The following TSPAN16 variants were observed in gnomAD, a reference collection of about 807,000 sequenced individuals.
The protein encoded by TSPAN16 is tetraspanin 16.
Under a neutral mutation model 25.2 loss-of-function variants are expected in TSPAN16, and 23 were observed. That is an observed-to-expected ratio of 0.91 (90% confidence interval 0.66 to 1.29). The LOEUF (loss-of-function observed/expected upper bound fraction) is 1.29. TSPAN16 is among the 50% of genes most tolerant of loss of function. TSPAN16 has a pLI of 0.00. For missense variants in TSPAN16, 272 were observed against 299.9 expected (o/e 0.91, Z 0.69); for synonymous variants, 123 against 124.4 (o/e 0.99, Z 0.08).
rs144679719 is a variant in TSPAN16 at position 11,302,678 on chromosome 19, TAC to T, written c.450+1398_450+1399del. Among the ~76,000 whole-genome samples the T allele has an allele frequency of 3.4e-3, 424 of 126,446 alleles. 1 individual carries two copies. Among genetic ancestry groups the T allele is most frequent in the East Asian group, 0.012 (56 of 4,746 alleles). The allele number at this position is 126,446 out of a possible 152,430, so 83.0% of individuals were successfully genotyped here. A position where few individuals can be genotyped will look rare whatever the true frequency, so the allele number is the denominator to read the frequency against. The stretch of plus-strand genomic sequence containing the variant: ...ACACATACATATATATATATATATA[TAC>T]ACACACACACACACACACACACACA... On this transcript the variant is annotated intron_variant, in intron 4 of 6. Coordinates refer to ENST00000590327, the MANE Select transcript of TSPAN16 (RefSeq NM_001282509.2).
chr19:11,302,548 A>G (rs918772742), intron 4 of TSPAN16, among the ~76,000 whole-genome samples: 1 of 147,624 alleles, frequency 6.8e-6, no homozygotes, highest in Non-Finnish European at 1.5e-5. Flanking sequence ...AAAAAAAAAA[A>G]AAAGGGATTT....
intron 6 of TSPAN16, 100 bp downstream of exon 6, chr19:11,312,322 T>TAAA (rs56982210): frequency 1.9e-5 from 6 of 308,224 alleles, no homozygotes; most frequent in Non-Finnish European, 2.7e-5. Context: ...TGAACAAAAC[T>TAAA]AAAAAAAAAA....
chr19:11,324,527 GGCCCCA>G (rs111306182), intron 6 of TSPAN16: 37,813 of 152,210 alleles, frequency 0.25, 9,152 homozygotes, highest in African/African-American at 0.64. Flanking sequence ...CTGGGAGGGA[GGCCCCA>G]GCCCCAGGCT....
chr19:11,321,897 GAGCTTTCC>G (rs1406066791), intron 6 of TSPAN16: 1 of 152,188 alleles, frequency 6.6e-6, no homozygotes, highest in Non-Finnish European at 1.5e-5. Context: ...CCATATAACA[GAGCTTTCC>G]AAGGTCAAGG....
intron 6 of TSPAN16, among the ~76,000 whole-genome samples, chr19:11,314,718 T>C (rs1462887825): frequency 6.6e-6 from 1 of 151,972 alleles, no homozygotes; most frequent in Non-Finnish European, 1.5e-5. Flanking sequence ...CATGGGGAAC[T>C]TTTATTTCTC....
intron 4 of TSPAN16, among the ~76,000 whole-genome samples, chr19:11,305,412 C>T (rs764985882): frequency 3.3e-5 from 5 of 151,874 alleles, no homozygotes; most frequent in Non-Finnish European, 7.4e-5. Context: ...TGCCTGTAAT[C>T]CCAGCTACTC....
intron 5 of TSPAN16, among the ~76,000 whole-genome samples, chr19:11,309,571 C>A (rs960938887): frequency 6.6e-6 from 1 of 152,232 alleles, no homozygotes; most frequent in Non-Finnish European, 1.5e-5. Flanking sequence ...GCACTTTCTC[C>A]GTGAGGCTGT....
intron 4 of TSPAN16, 29 bp from the exon 5 acceptor site, chr19:11,306,575 T>C: frequency 6.2e-7 from 1 of 1,612,052 alleles, no homozygotes; most frequent in South Asian, 1.1e-5. Context: ...TGAAAGGGAC[T>C]CTCCAAGTAT....
intron 3 of TSPAN16, among the ~76,000 whole-genome samples, chr19:11,299,804 G>A (rs992779006): frequency 2.0e-5 from 3 of 151,774 alleles, no homozygotes; most frequent in Non-Finnish European, 2.9e-5. Context: ...GTAAAACCCC[G>A]TCTCTATTAA....
downstream of TSPAN16, chr19:11,316,117 G>GT (rs375902342): frequency 0.045 from 10,249 of 228,492 alleles, 587 homozygotes; most frequent in East Asian, 0.24. Context: ...GTGTGTGTGT[G>GT]GTTTTTTTTT....
At chr19:11,321,188 AT>A (rs1453799540) in intron 6 of TSPAN16, 1 of 151,994 alleles carries the variant, frequency 6.6e-6, no homozygotes, top group Non-Finnish European at 1.5e-5. Context: ...AAACAAAAAA[AT>A]ACCCAAAAAA....
At chr19:11,321,175 A>C (rs1227411225) in intron 6 of TSPAN16, 1 of 146,792 alleles carries the variant, frequency 6.8e-6, no homozygotes, top group African/African-American at 2.7e-5. Flanking sequence ...CTCAAAAAAA[A>C]AAAAACAAAA....
chr19:11,298,798 C>A, intron 2 of TSPAN16, 74 bp from the exon 3 acceptor site: 1 of 1,429,004 alleles, frequency 7.0e-7, no homozygotes, highest in Non-Finnish European at 9.9e-7. Flanking sequence ...AGAGACAACC[C>A]CTCACCTGCA....
intron 4 of TSPAN16, among the ~76,000 whole-genome samples, chr19:11,305,529 C>CA (rs908651548): frequency 1.7e-3 from 246 of 147,950 alleles, no homozygotes; most frequent in African/African-American, 5.8e-3. Flanking sequence ...GACTGTGTCT[C>CA]AAAAAAAATA....
intron 4 of TSPAN16, among the ~76,000 whole-genome samples, chr19:11,303,337 T>G (rs938148057): frequency 4.8e-5 from 7 of 145,930 alleles, no homozygotes; most frequent in Non-Finnish European, 6.0e-5. Flanking sequence ...ATGTGCTTTG[T>G]TAAACAGATG....
chr19:11,298,435 ATTTTT>A, intron 2 of TSPAN16, 96 bp downstream of exon 2: 9 of 948,044 alleles, frequency 9.5e-6, no homozygotes, highest in Non-Finnish European at 9.1e-6. Flanking sequence ...GGTGTCACCT[ATTTTT>A]TTTTTTTTTG....
chr19:11,302,773 C>T (rs1470084580), intron 4 of TSPAN16, among the ~76,000 whole-genome samples: 9 of 150,154 alleles, frequency 6.0e-5, no homozygotes, highest in Non-Finnish European at 1.0e-4. Flanking sequence ...GGCTGGAGTG[C>T]GGTAAGGGGA....
At chr19:11,298,818 G>A (rs423304) in intron 2 of TSPAN16, 54 bp from the exon 3 acceptor site, 503,937 of 1,546,718 alleles carry the variant, frequency 0.33, 87,730 homozygotes, top group African/African-American at 0.67. Context: ...AGGGTATAAG[G>A]TCGGGAGGAG....
Position 11,312,206 on chromosome 19 carries a change from G to A in TSPAN16, c.671G>A (p.Gly224Glu), listed in dbSNP as rs760850776. ...TTCACCCTGAGTGGGAGCTCTCTGG[G>A]AGCTGCAGTGATACAGGTAAGACCC... is the stretch of plus-strand genomic sequence containing the variant. ...QSFTLSGSSL[G>E]AAVIQLPGIL... The change falls in exon 6 of 7, where the codon GGA becomes GAA. Residue 224 changes from glycine to glutamate, a missense_variant. By Grantham distance (98) the Gly-to-Glu change is moderately conservative. Coordinates refer to ENST00000590327, the MANE Select transcript of TSPAN16 (RefSeq NM_001282509.2). 74 of 1,611,614 alleles carry A rather than the reference G, an allele frequency of 4.6e-5. No individual in the cohort carries two copies. Among genetic ancestry groups the A allele is most frequent in the Non-Finnish European group, 6.1e-5 (72 of 1,179,162 alleles).
Sources: gnomAD v4.1 joint callset for allele counts (sites outside exome capture counted in the v4.1 genomes callset) on GRCh38, gnomAD v4.1.1 for gene constraint, MANE v1.5 for transcripts, NCBI Gene and HGNC (gene_info 2026-07-23, HGNC 2026-07-21) for gene names.